Variants in SYN2 observed in about 807,000 individuals in gnomAD.
SYN2 encodes synapsin-2.
Under a neutral mutation model 50.9 loss-of-function variants are expected in SYN2, and 19 were observed. That is an observed-to-expected ratio of 0.37 (90% CI 0.26 to 0.55). The LOEUF is 0.55. Ranked by LOEUF, SYN2 falls within the 20% of genes least tolerant of loss-of-function variation. The probability of loss-of-function intolerance (pLI) is 0.81; values close to 1 mark genes in which losing one functional copy is unlikely to be tolerated. For synonymous variants in SYN2, 255 were observed against 224.9 expected, an observed-to-expected ratio of 1.13 and a Z score of -1.20; for missense variants, 587 against 576.4, an observed-to-expected ratio of 1.02 and a Z score of -0.19.
intron 1 of SYN2, among the ~76,000 whole-genome samples, chr3:12,078,720 C>G (rs1162109470): frequency 6.6e-6 from 1 of 151,926 alleles, no homozygotes; most frequent in South Asian, 2.1e-4. Context: ...TTTAATGTAG[C>G]TTGAAGTCCA....
chr3:12,020,749 C>A (rs758774999), intron 1 of SYN2, among the ~76,000 whole-genome samples: 2 of 152,060 alleles, frequency 1.3e-5, no homozygotes, highest in Non-Finnish European at 2.9e-5. Flanking sequence ...TTCCCATGTA[C>A]TTCATATATT....
chr3:12,071,253 G>A lies in SYN2; in HGVS notation c.377+66325G>A, dbSNP rs561120479. The A allele has an allele frequency of 2.5e-5, 14 of 557,190 alleles. 1 individual carries two copies. Among genetic ancestry groups the A allele is most frequent in the Admixed American group, 2.3e-4 (12 of 52,086 alleles). 34.5% of individuals were successfully genotyped at this position (557,190 alleles called of 1,614,324 possible). ...TGCCCCCAGAGCGCAAGTACTCTGT[G>A]TGGATCTGCAGCTCCATCCTGGCCT... On this transcript the variant is annotated intron_variant, in intron 1 of 12. Transcript: ENST00000621198.
At chr3:12,035,599 G>A (rs1442777315) in intron 1 of SYN2, among the ~76,000 whole-genome samples, 2 of 152,192 alleles carry the variant, frequency 1.3e-5, no homozygotes, top group East Asian at 1.9e-4. Flanking sequence ...ATTGATATAC[G>A]GAGGCTATCA....
intron 10 of SYN2, among the ~76,000 whole-genome samples, chr3:12,173,381 A>T (rs1436810898): frequency 6.6e-6 from 1 of 151,962 alleles, no homozygotes; most frequent in Non-Finnish European, 1.5e-5. Context: ...ACATCCACCC[A>T]CTTATCTGCA....
chr3:12,009,483 A>G (rs146341855), intron 1 of SYN2, among the ~76,000 whole-genome samples: 2 of 152,362 alleles, frequency 1.3e-5, no homozygotes, highest in African/African-American at 4.8e-5. Flanking sequence ...GGGAACCTGA[A>G]TCATCATCTA....
chr3:12,106,601 A>C (rs1696194693), intron 1 of SYN2, among the ~76,000 whole-genome samples: 1 of 152,194 alleles, frequency 6.6e-6, no homozygotes, highest in Admixed American at 6.5e-5. Flanking sequence ...GTTGGGAGTT[A>C]TGTATGAGGT....
chr3:12,098,673 A>G (rs1308266556), intron 1 of SYN2, among the ~76,000 whole-genome samples: 1 of 151,858 alleles, frequency 6.6e-6, no homozygotes, highest in Non-Finnish European at 1.5e-5. Flanking sequence ...AGATATAGGG[A>G]AAACAAGCAA....
intron 10 of SYN2, among the ~76,000 whole-genome samples, chr3:12,174,201 C>T (rs929157430): frequency 1.3e-5 from 2 of 152,088 alleles, no homozygotes; most frequent in African/African-American, 4.8e-5. Flanking sequence ...CTATCTCCTG[C>T]CCTGACCACC....
chr3:12,012,653 T>C (rs1193966216), intron 1 of SYN2, among the ~76,000 whole-genome samples: 1 of 152,220 alleles, frequency 6.6e-6, no homozygotes, highest in Non-Finnish European at 1.5e-5. Flanking sequence ...CTGCCTTTGT[T>C]TGGAATGCTC....
intron 1 of SYN2, among the ~76,000 whole-genome samples, chr3:12,014,939 A>T (rs1373186965): frequency 6.6e-6 from 1 of 152,242 alleles, no homozygotes; most frequent in Non-Finnish European, 1.5e-5. Flanking sequence ...TAGAATAGAG[A>T]TTTGGAGAAC....
chr3:12,063,856 AT>A (rs1054385632), intron 1 of SYN2, among the ~76,000 whole-genome samples: 3 of 152,030 alleles, frequency 2.0e-5, no homozygotes, highest in African/African-American at 7.2e-5. Flanking sequence ...AGGAAAAAAA[AT>A]CTACCATGCA....
At chr3:12,141,880 T>C (rs757352697) in intron 2 of SYN2, 25 bp from the exon 3 acceptor site, 2 of 780,636 alleles carry the variant, frequency 2.6e-6, no homozygotes, top group Non-Finnish European at 4.8e-6. Flanking sequence ...GATTGTGAAC[T>C]TATTCCCCTG....
intron 1 of SYN2, among the ~76,000 whole-genome samples, chr3:12,066,143 A>G (rs1006325341): frequency 1.3e-5 from 2 of 152,218 alleles, no homozygotes; most frequent in African/African-American, 4.8e-5. Context: ...ATATCCGGGT[A>G]AAGATTAAAA....
chr3:12,148,657 C>G (rs1414806722), intron 4 of SYN2: 1 of 152,190 alleles, frequency 6.6e-6, no homozygotes, highest in Non-Finnish European at 1.5e-5. Context: ...AAGAATGGCA[C>G]CACCGTTTAT....
intron 1 of SYN2, among the ~76,000 whole-genome samples, chr3:12,087,340 T>C (rs1215366942): frequency 6.6e-6 from 1 of 152,148 alleles, no homozygotes; most frequent in East Asian, 1.9e-4. Context: ...ATGTCATTTT[T>C]CATAGAAATA....
intron 1 of SYN2, among the ~76,000 whole-genome samples, chr3:12,008,089 G>A (rs1275936354): frequency 2.0e-5 from 3 of 152,090 alleles, no homozygotes; most frequent in South Asian, 4.1e-4. Flanking sequence ...TTTAATGATC[G>A]TGCTTAAACA....
chr3:12,017,887 TG>T (rs1694056732), intron 1 of SYN2, among the ~76,000 whole-genome samples: 1 of 152,240 alleles, frequency 6.6e-6, no homozygotes, highest in Non-Finnish European at 1.5e-5. Flanking sequence ...GTACATGGTT[TG>T]GAAAACATTG....
chr3:12,133,436 C>G (rs1696832349), intron 1 of SYN2, among the ~76,000 whole-genome samples: 1 of 152,210 alleles, frequency 6.6e-6, no homozygotes, highest in African/African-American at 2.4e-5. Flanking sequence ...ATTTATGTCT[C>G]TGTTCCAGAA....
chr3:12,007,044 C>T (rs934904088), intron 1 of SYN2, among the ~76,000 whole-genome samples: 1 of 152,178 alleles, frequency 6.6e-6, no homozygotes, highest in African/African-American at 2.4e-5. Context: ...TAGATAGGTA[C>T]TGATACTTAT....
Sources: gnomAD v4.1 joint callset for allele counts (sites outside exome capture counted in the v4.1 genomes callset) on GRCh38, gnomAD v4.1.1 for gene constraint, MANE v1.5 for transcripts, NCBI Gene and HGNC (gene_info 2026-07-23, HGNC 2026-07-21) for gene names.